The following CTNNA2 variants were observed in gnomAD, a reference collection of about 807,000 sequenced individuals.
The protein encoded by CTNNA2 is catenin alpha-2.
CTNNA2 carries 42 observed loss-of-function variants against 101.0 expected under a neutral mutation model. The ratio of observed to expected loss-of-function variants is 0.42; its 90% confidence interval spans 0.32 to 0.54. The LOEUF is 0.54. CTNNA2 is among the 20% of genes least tolerant of loss of function. CTNNA2 has a pLI of 0.14. For missense variants in CTNNA2, 871 were observed against 1,223.1 expected (o/e 0.71, Z 4.29); for synonymous variants, 450 against 456.4 (o/e 0.99, Z 0.18).
intron 6 of CTNNA2, among the ~76,000 whole-genome samples, chr2:79,876,134 A>C (rs1396270600): frequency 6.6e-6 from 1 of 152,166 alleles, no homozygotes; most frequent in Non-Finnish European, 1.5e-5. Flanking sequence ...TGATCCTATC[A>C]GTTTTCATAA....
chr2:80,425,757 A>C (rs1157438942), intron 9 of CTNNA2, among the ~76,000 whole-genome samples: 1 of 152,026 alleles, frequency 6.6e-6, no homozygotes. Context: ...TTTGACATTC[A>C]TAAAAATAGA....
At chr2:80,631,394 T>C (rs1270470713) in intron 18 of CTNNA2, among the ~76,000 whole-genome samples, 2 of 151,570 alleles carry the variant, frequency 1.3e-5, no homozygotes, top group Non-Finnish European at 2.9e-5. Context: ...AACACTATTA[T>C]GCATTTCCAG....
At chr2:80,077,599 AAACAT>A (rs1698845641) in intron 7 of CTNNA2, among the ~76,000 whole-genome samples, 1 of 151,834 alleles carries the variant, frequency 6.6e-6, no homozygotes, top group South Asian at 2.1e-4. Flanking sequence ...AAAAAAAAAA[AAACAT>A]AAACAAAACA....
intron 9 of CTNNA2, among the ~76,000 whole-genome samples, chr2:80,428,031 C>T (rs536965237): frequency 2.6e-5 from 4 of 152,252 alleles, no homozygotes; most frequent in South Asian, 4.2e-4. Flanking sequence ...CATGTGAGGT[C>T]GGGAAAGTCT....
intron 12 of CTNNA2, among the ~76,000 whole-genome samples, chr2:80,558,209 A>G (rs1693216280): frequency 6.6e-6 from 1 of 152,224 alleles, no homozygotes; most frequent in Non-Finnish European, 1.5e-5. Context: ...AAAGGTATAC[A>G]ATTTCTTTGG....
intron 7 of CTNNA2, among the ~76,000 whole-genome samples, chr2:79,995,724 G>T (rs72922654): frequency 6.6e-6 from 1 of 152,088 alleles, no homozygotes; most frequent in Non-Finnish European, 1.5e-5. Context: ...GAGGTGGGAG[G>T]ATCCTTTGAA....
chr2:79,483,524 A>G (rs1671129616), intron 4 of CTNNA2, among the ~76,000 whole-genome samples: 1 of 152,124 alleles, frequency 6.6e-6, no homozygotes, highest in Non-Finnish European at 1.5e-5. Flanking sequence ...GGGAGGATCC[A>G]GTTCCCCATG....
At chr2:80,315,686 A>T (rs1678051345) in intron 7 of CTNNA2, among the ~76,000 whole-genome samples, 1 of 152,216 alleles carries the variant, frequency 6.6e-6, no homozygotes, top group African/African-American at 2.4e-5. Context: ...AGCCAATCAC[A>T]TGGTCAGTCT....
chr2:79,628,657 A>G (rs1679483077), intron 1 of CTNNA2, among the ~76,000 whole-genome samples: 1 of 152,234 alleles, frequency 6.6e-6, no homozygotes, highest in Non-Finnish European at 1.5e-5. Flanking sequence ...AATTTCAACC[A>G]TAAATATCAC....
In CTNNA2 at chr2:79,484,305, T is replaced by C. The variant is rs142892189; in HGVS notation, c.-134-20749T>C. On this transcript the variant is annotated intron_variant, in intron 4 of 21. Coordinates refer to the CTNNA2 transcript ENST00000466387. Reference sequence around the variant, plus strand: ...TAATTAGTTAAATGTGTGACTTGTTTAGAACGAGTGGCTGATATAGCTTTC... The same window carrying C: ...TAATTAGTTAAATGTGTGACTTGTTCAGAACGAGTGGCTGATATAGCTTTC... Among the ~76,000 whole-genome samples, 30 of 152,226 alleles carry C rather than the reference T, an allele frequency of 2.0e-4. No individual in the cohort carries two copies. In the East Asian group the frequency reaches 5.8e-3, roughly 30 times the overall value.
intron 1 of CTNNA2, among the ~76,000 whole-genome samples, chr2:79,561,854 A>G (rs10175197): frequency 0.037 from 5,545 of 151,896 alleles, 148 homozygotes; most frequent in African/African-American, 0.067. Context: ...TATTCTGGAT[A>G]TTAGAGTCTT....
chr2:80,107,886 G>A (rs1035972736), intron 7 of CTNNA2, among the ~76,000 whole-genome samples: 2 of 152,144 alleles, frequency 1.3e-5, no homozygotes, highest in Non-Finnish European at 2.9e-5. Flanking sequence ...TTCTGAACTC[G>A]CTTGCTCATG....
chr2:79,732,096 A>G (rs1051127036), intron 2 of CTNNA2, among the ~76,000 whole-genome samples: 2 of 152,128 alleles, frequency 1.3e-5, no homozygotes, highest in African/African-American at 4.8e-5. Flanking sequence ...TAAAGCCATT[A>G]ACTGACTGTT....
chr2:80,406,626 A>G (rs1210724182), intron 8 of CTNNA2, among the ~76,000 whole-genome samples: 1 of 152,106 alleles, frequency 6.6e-6, no homozygotes, highest in Non-Finnish European at 1.5e-5. Context: ...GGGGATCGCG[A>G]CCATCGTGGC....
chr2:80,501,805 C>T (rs959991241), intron 9 of CTNNA2, among the ~76,000 whole-genome samples: 1 of 152,102 alleles, frequency 6.6e-6, no homozygotes, highest in African/African-American at 2.4e-5. Flanking sequence ...AAGAGACCAT[C>T]CATCCTTAAA....
At chr2:79,977,221 T>C (rs940564926) in intron 7 of CTNNA2, among the ~76,000 whole-genome samples, 1,206 of 88,222 alleles carry the variant, frequency 0.014, 13 homozygotes, top group African/African-American at 0.049. Context: ...TGCATATGCA[T>C]GCACACACAC....
chr2:80,619,062 T>C, intron 17 of CTNNA2, 23 bp from the exon 18 acceptor site: 3 of 1,444,160 alleles, frequency 2.1e-6, no homozygotes, highest in Non-Finnish European at 2.8e-6. Context: ...CATTCTCTCT[T>C]TTCTGTATCT....
intron 7 of CTNNA2, among the ~76,000 whole-genome samples, chr2:80,097,107 G>A (rs1700203785): frequency 6.6e-6 from 1 of 152,144 alleles, no homozygotes; most frequent in Non-Finnish European, 1.5e-5. Flanking sequence ...AGCCTTGATG[G>A]TCTTTACAAT....
chr2:80,105,862 C>T (rs748234099), intron 7 of CTNNA2, among the ~76,000 whole-genome samples: 8 of 152,134 alleles, frequency 5.3e-5, no homozygotes, highest in Admixed American at 1.3e-4. Flanking sequence ...CAGGCTTTAC[C>T]GTGCAATCTG....
Sources: gnomAD v4.1 joint callset for allele counts (sites outside exome capture counted in the v4.1 genomes callset) on GRCh38, gnomAD v4.1.1 for gene constraint, MANE v1.5 for transcripts, NCBI Gene and HGNC (gene_info 2026-07-23, HGNC 2026-07-21) for gene names.